SLC6A11: variants seen among roughly 807,000 people sequenced by gnomAD.
SLC6A11 encodes the protein sodium- and chloride-dependent GABA transporter 3.
Under a neutral mutation model 74.8 loss-of-function variants are expected in SLC6A11, and 25 were observed. That is an observed-to-expected ratio of 0.33 (90% confidence interval 0.24 to 0.47). The LOEUF (loss-of-function observed/expected upper bound fraction) is 0.47. SLC6A11 is among the 20% of genes least tolerant of loss of function. The pLI is 1.00. For missense variants in SLC6A11, 574 were observed against 837.0 expected, an observed-to-expected ratio of 0.69 and a Z score of 3.88; for synonymous variants, 330 against 330.2, an observed-to-expected ratio of 1.00 and a Z score of 0.01.
intron 5 of SLC6A11, among the ~76,000 whole-genome samples, chr3:10,853,128 G>C (rs896718373): frequency 6.6e-6 from 1 of 152,192 alleles, no homozygotes; most frequent in African/African-American, 2.4e-5. Context: ...ACGAGCCCAG[G>C]CTGGGATGAT....
chr3:10,885,355 C>T (rs1491003684), intron 6 of SLC6A11, among the ~76,000 whole-genome samples: 1 of 152,090 alleles, frequency 6.6e-6, no homozygotes, highest in East Asian at 1.9e-4. Flanking sequence ...GATAGGATTC[C>T]AAGCTCTGCC....
intron 6 of SLC6A11, among the ~76,000 whole-genome samples, chr3:10,900,558 T>C (rs1695227584): frequency 6.6e-6 from 1 of 152,206 alleles, no homozygotes; most frequent in African/African-American, 2.4e-5. Flanking sequence ...TCTTTTCCGT[T>C]CTCCTCCCAA....
At chr3:10,910,929 C>T (rs778445137) in intron 6 of SLC6A11, among the ~76,000 whole-genome samples, 24 of 148,710 alleles carry the variant, frequency 1.6e-4, no homozygotes, top group Non-Finnish European at 3.0e-4. Flanking sequence ...TCAAGCAATT[C>T]TCGTGCCTCA....
chr3:10,914,218 G>A (rs1675546429), intron 7 of SLC6A11, among the ~76,000 whole-genome samples: 1 of 152,200 alleles, frequency 6.6e-6, no homozygotes. Context: ...GGAAAGTGAA[G>A]CTGGTGGAGG....
chr3:10,893,698 G>A (rs1004681464), intron 6 of SLC6A11, among the ~76,000 whole-genome samples: 50 of 152,260 alleles, frequency 3.3e-4, no homozygotes, highest in African/African-American at 1.2e-3. Context: ...TGGGACGAGA[G>A]TATTCCTTCT....
At chr3:10,825,125 T>G (rs1694190469) in intron 4 of SLC6A11, 1 of 145,474 alleles carries the variant, frequency 6.9e-6, no homozygotes, top group Non-Finnish European at 1.5e-5. Flanking sequence ...AAAGTTGCAG[T>G]GAGCCGAGAT....
At chr3:10,840,139 C>T (rs112331134) in intron 4 of SLC6A11, among the ~76,000 whole-genome samples, 26 of 152,296 alleles carry the variant, frequency 1.7e-4, no homozygotes, top group Non-Finnish European at 3.2e-4. Context: ...AAAGCAGCCA[C>T]GGCCCCTCAG....
intron 6 of SLC6A11, among the ~76,000 whole-genome samples, chr3:10,881,370 A>G (rs1694979401): frequency 6.6e-6 from 1 of 152,188 alleles, no homozygotes; most frequent in African/African-American, 2.4e-5. Context: ...GAGCCAAGAT[A>G]ACGCCACTAC....
intron 10 of SLC6A11, among the ~76,000 whole-genome samples, chr3:10,930,878 A>G (rs1006491510): frequency 2.2e-4 from 33 of 151,786 alleles, no homozygotes; most frequent in African/African-American, 8.0e-4. Context: ...ACAGTCACCC[A>G]AGACTGTTAA....
intron 4 of SLC6A11, among the ~76,000 whole-genome samples, chr3:10,837,605 A>C (rs527883332): frequency 6.6e-6 from 1 of 152,346 alleles, no homozygotes; most frequent in African/African-American, 2.4e-5. Flanking sequence ...ATCAGATTTT[A>C]CATGTGGCGT....
At chr3:10,899,112 C>T (rs1695206039) in intron 6 of SLC6A11, among the ~76,000 whole-genome samples, 1 of 152,184 alleles carries the variant, frequency 6.6e-6, no homozygotes, top group Admixed American at 6.5e-5. Flanking sequence ...TCCCACTGGT[C>T]CCTCCCACAA....
At chr3:10,877,115 T>C (rs1374347869) in intron 6 of SLC6A11, among the ~76,000 whole-genome samples, 1 of 152,224 alleles carries the variant, frequency 6.6e-6, no homozygotes, top group African/African-American at 2.4e-5. Flanking sequence ...CTGCCCATTT[T>C]TATAAATAAT....
chr3:10,864,532 C>T (rs1327516510), intron 5 of SLC6A11, among the ~76,000 whole-genome samples: 1 of 152,060 alleles, frequency 6.6e-6, no homozygotes, highest in South Asian at 2.1e-4. Context: ...AGCCTGGCAT[C>T]CCTCTTTACA....
chr3:10,928,540 G>T (rs1695640193), intron 9 of SLC6A11, among the ~76,000 whole-genome samples: 1 of 152,096 alleles, frequency 6.6e-6, no homozygotes. Flanking sequence ...CTTGTACCTG[G>T]CCCTGTGCTT....
At chr3:10,895,303 A>G (rs1329743674) in intron 6 of SLC6A11, among the ~76,000 whole-genome samples, 1 of 152,262 alleles carries the variant, frequency 6.6e-6, no homozygotes, top group African/African-American at 2.4e-5. Flanking sequence ...CGAAGACAAC[A>G]TGAAGTTAGG....
intron 1 of SLC6A11, among the ~76,000 whole-genome samples, chr3:10,817,929 T>G (rs1438535622): frequency 1.3e-5 from 2 of 152,192 alleles, no homozygotes; most frequent in African/African-American, 2.4e-5. Context: ...TGGAAACCTG[T>G]GCACACCTAG....
chr3:10,939,034 T>C lies in SLC6A11; in HGVS notation c.*632T>C, dbSNP rs1695793263. 3 of 152,420 alleles carry C rather than the reference T, an allele frequency of 2.0e-5. No individual in the cohort carries two copies. Among genetic ancestry groups the C allele is most frequent in the South Asian group, 2.1e-4 (1 of 4,816 alleles). The allele number at this position is 152,420 out of a possible 1,614,324, so 9.4% of individuals were successfully genotyped here. ...GGCCTCAGTTTCCCCATCTCCCAAATGGGAGGAGGAGCCGGATTGGGTTAT... is the reference window on the plus strand; with the variant it reads ...GGCCTCAGTTTCCCCATCTCCCAAACGGGAGGAGGAGCCGGATTGGGTTAT... On this transcript the variant is annotated 3_prime_UTR_variant, in exon 14 of 14. Coordinates refer to ENST00000254488, the MANE Select transcript of SLC6A11 (RefSeq NM_014229.3).
chr3:10,930,301 G>A (rs1230922123), intron 10 of SLC6A11, among the ~76,000 whole-genome samples: 6 of 151,930 alleles, frequency 3.9e-5, no homozygotes, highest in Non-Finnish European at 8.8e-5. Flanking sequence ...CCATTACCAC[G>A]ATCTATGGTC....
intron 5 of SLC6A11, among the ~76,000 whole-genome samples, chr3:10,846,910 G>C (rs1694512340): frequency 6.6e-6 from 1 of 152,210 alleles, no homozygotes; most frequent in Non-Finnish European, 1.5e-5. Context: ...TCTCGATTAA[G>C]ATGTAGAACA....
Sources: allele counts gnomAD v4.1 joint callset (sites outside exome capture counted in the v4.1 genomes callset), GRCh38; gene constraint gnomAD v4.1.1; transcripts MANE v1.5; gene names NCBI Gene and HGNC (gene_info 2026-07-23, HGNC 2026-07-21).